The following PPP1R3B variants were observed in gnomAD, a reference collection of about 807,000 sequenced individuals.
PPP1R3B encodes protein phosphatase 1 regulatory subunit 3B.
In PPP1R3B, 8 loss-of-function variants were observed where a neutral mutation model predicts 14.6. The observed-to-expected ratio is 0.55, with a 90% CI of 0.32 to 0.99. The LOEUF (loss-of-function observed/expected upper bound fraction) is 0.99. PPP1R3B is among the 50% of genes least tolerant of loss of function. The pLI is 0.04. For missense variants in PPP1R3B, 452 were observed against 360.1 expected, an observed-to-expected ratio of 1.26 and a Z score of -2.07; for synonymous variants, 169 against 142.0, an observed-to-expected ratio of 1.19 and a Z score of -1.35.
intron 1 of PPP1R3B, among the ~76,000 whole-genome samples, chr8:9,146,576 A>G (rs949581870): frequency 2.0e-5 from 3 of 152,240 alleles, no homozygotes; most frequent in African/African-American, 7.2e-5. Context: ...CCTGGGATGC[A>G]AGAAACCCTT....
chr8:9,142,150 G>A (rs114994328), intron 1 of PPP1R3B: 4,049 of 160,044 alleles, frequency 0.025, 149 homozygotes, highest in South Asian at 0.13. Context: ...AGGCTGGAGC[G>A]CAGTGGCGTG....
rs1801083735 is a variant in PPP1R3B, at chr8:9,141,438, C to T, written c.214G>A (p.Ala72Thr). ...GAGAACACTTTGACCATTGTCAGGG[C>T]CAGCCCCTGGTTGTCTGCGAAGGAC... Reference protein sequence around the residue: ...RVSFADNQGLALTMVKVFSEF... With the variant: ...RVSFADNQGLTLTMVKVFSEF... The change falls in exon 2 of 2, where the codon GCC (alanine) becomes ACC (threonine). Residue 72 changes from alanine to threonine, a missense_variant. Transcript: ENST00000310455. The T allele has an allele frequency of 6.2e-7, 1 of 1,614,154 alleles. No homozygotes were observed. The highest frequency in any genetic ancestry group is 8.5e-7 in the Non-Finnish European group (1 of 1,180,030).
chr8:9,137,514 T>C lies in PPP1R3B; in HGVS notation c.*3280A>G, dbSNP rs530977354. 6.6e-6 allele frequency: 1 copy of C among 152,356 alleles called. No individual in the cohort carries two copies. The highest frequency in any genetic ancestry group is 2.1e-4 in the South Asian group (1 of 4,826). 9.4% of individuals were successfully genotyped at this position (152,356 alleles called of 1,614,324 possible). ...AAGAAACCTGTCACCCTCTGAAGTG[T>C]GTAGGCTTATCTACTGATGATGAGC... On this transcript the variant is annotated 3_prime_UTR_variant, in exon 2 of 2. Transcript: ENST00000310455.
At chr8:9,149,123 G>GCGGAGCTTGCAGTGAGC (rs1253784909) in intron 1 of PPP1R3B, among the ~76,000 whole-genome samples, 1 of 148,632 alleles carries the variant, frequency 6.7e-6, no homozygotes, top group African/African-American at 2.5e-5. Context: ...AACCCGGGAG[G>GCGGAGCTTGCAGTGAGC]CGGAGCTTGC....
rs1800938881 is a variant in PPP1R3B, at chr8:9,137,805, CTGTGCGGCAGGGTGAGCATCCCAGG to C, written c.*2964_*2988del. 6.6e-6 allele frequency: 1 copy of C among 152,154 alleles called. No individual in the cohort carries two copies. Among genetic ancestry groups the C allele is most frequent in the Non-Finnish European group, 1.5e-5 (1 of 68,050 alleles). The allele number at this position is 152,154 out of a possible 1,614,324, so 9.4% of individuals were successfully genotyped here. A position where few individuals can be genotyped will look rare whatever the true frequency, so the allele number is the denominator to read the frequency against. On this transcript the variant is annotated 3_prime_UTR_variant, in exon 2 of 2. Coordinates refer to ENST00000310455, the MANE Select transcript of PPP1R3B (RefSeq NM_024607.4). ...AGCAGGTGAGGACTTGCCTTCTGAA[CTGTGCGGCAGGGTGAGCATCCCAGG>C]TGTGCTGGCTGGGGGCTTGCATCCA...
chr8:9,143,310 C>T (rs368114035), intron 1 of PPP1R3B, among the ~76,000 whole-genome samples: 1 of 152,022 alleles, frequency 6.6e-6, no homozygotes, highest in Non-Finnish European at 1.5e-5. Flanking sequence ...ATATGGCAGG[C>T]ATCAAGCAAG....
In PPP1R3B at chr8:9,138,730, A is replaced by T. The variant is rs1045783669; in HGVS notation, c.*2064T>A. 6.6e-6 allele frequency: 1 copy of T among 152,248 alleles called. No individual in the cohort carries two copies. The highest frequency in any genetic ancestry group is 2.4e-5 in the African/African-American group (1 of 41,472). The allele number at this position is 152,248 out of a possible 1,614,324, so 9.4% of individuals were successfully genotyped here. A position where few individuals can be genotyped will look rare whatever the true frequency, so the allele number is the denominator to read the frequency against. ...GCTTGCCTTAGGAAAACTTCACTTTAGTAAGATAAGGCAAAACAGAAAATA... is the reference window on the plus strand; with the variant it reads ...GCTTGCCTTAGGAAAACTTCACTTTTGTAAGATAAGGCAAAACAGAAAATA... On this transcript the variant is annotated 3_prime_UTR_variant, in exon 2 of 2. Transcript: ENST00000310455.
Position 9,137,041 on chromosome 8 carries a change from G to C in PPP1R3B, c.*3753C>G, listed in dbSNP as rs1473297792. 1.3e-5 allele frequency: 2 copies of C among 152,148 alleles called. No individual in the cohort carries two copies. The highest frequency in any genetic ancestry group is 4.8e-5 in the African/African-American group (2 of 41,432). 9.4% of individuals were successfully genotyped at this position (152,148 alleles called of 1,614,324 possible). A position where few individuals can be genotyped will look rare whatever the true frequency, so the allele number is the denominator to read the frequency against. On this transcript the variant is annotated 3_prime_UTR_variant, in exon 2 of 2. Coordinates refer to ENST00000310455, the MANE Select transcript of PPP1R3B (RefSeq NM_024607.4). ...ACAGTTCCAAATTTACATCTTCTAA[G>C]AATGTATAATTTTGCCACCATTAAA...
rs577643042 is a variant in PPP1R3B at position 9,136,913 on chromosome 8, T to C, written c.*3881A>G. 8 of 152,348 alleles carry C rather than the reference T, an allele frequency of 5.3e-5. No homozygotes were observed. Among genetic ancestry groups the C allele is most frequent in the African/African-American group, 1.4e-4 (6 of 41,578 alleles). The allele number at this position is 152,348 out of a possible 1,614,324, so 9.4% of individuals were successfully genotyped here. On this transcript the variant is annotated 3_prime_UTR_variant, in exon 2 of 2. Coordinates refer to ENST00000310455, the MANE Select transcript of PPP1R3B (RefSeq NM_024607.4). ...TTCCAAAAAAGGAACACTTTTTTGA[T>C]TGATAAGCATATATGGCCCATTTAA...
chr8:9,150,362 C>T (rs912598840), intron 1 of PPP1R3B, among the ~76,000 whole-genome samples: 1 of 152,206 alleles, frequency 6.6e-6, no homozygotes, highest in South Asian at 2.1e-4. Flanking sequence ...ATTACCGGCC[C>T]CCACTCCCTC....
At chr8:9,147,022 G>T (rs1431312495) in intron 1 of PPP1R3B, among the ~76,000 whole-genome samples, 4 of 150,004 alleles carry the variant, frequency 2.7e-5, no homozygotes, top group African/African-American at 9.8e-5. Context: ...TTGCTCTGTT[G>T]CCCAGGCTGG....
chr8:9,146,972 TTTGTC>T (rs1472308213), intron 1 of PPP1R3B, among the ~76,000 whole-genome samples: 4 of 152,128 alleles, frequency 2.6e-5, no homozygotes, highest in African/African-American at 9.7e-5. Flanking sequence ...GTGTTTTTGT[TTTGTC>T]TTATTTTTAA....
At chr8:9,147,173 A>AT (rs1306393667) in intron 1 of PPP1R3B, among the ~76,000 whole-genome samples, 3 of 151,832 alleles carry the variant, frequency 2.0e-5, no homozygotes, top group African/African-American at 4.8e-5. Flanking sequence ...CCCCCAGCTA[A>AT]TTTTTGTATT....
At position 9,140,975 on chromosome 8, in the gene PPP1R3B, C is replaced by T. The variant is rs753646334; in HGVS notation, c.677G>A (p.Arg226Lys). 1 of 1,614,142 alleles carries T rather than the reference C, an allele frequency of 6.2e-7. No homozygotes were observed. The highest frequency in any genetic ancestry group is 2.2e-5 in the East Asian group (1 of 44,884). The stretch of plus-strand genomic sequence containing the variant: ...CCGGATGATCCTATAGTTCTTGCCT[C>T]TGTTGCTGTCCCAGTACGTCTGTCC... ...CNGQTYWDSN[R>K]GKNYRIIRAE... The change falls in exon 2 of 2, where the codon AGA (arginine) becomes AAA (lysine). Residue 226 changes from arginine to lysine, a missense_variant. Physicochemically the swap from Arg to Lys is conservative, Grantham distance 26. Coordinates refer to ENST00000310455, the MANE Select transcript of PPP1R3B (RefSeq NM_024607.4).
chr8:9,149,359 TG>T (rs1173156446), intron 1 of PPP1R3B, among the ~76,000 whole-genome samples: 5 of 123,558 alleles, frequency 4.0e-5, no homozygotes, highest in African/African-American at 1.5e-4. Context: ...AAAAATTAGC[TG>T]GGCGTGGTGG....
At chr8:9,145,447 CTTTAG>C (rs1411740171) in intron 1 of PPP1R3B, 4 of 152,016 alleles carry the variant, frequency 2.6e-5, no homozygotes, top group Non-Finnish European at 4.4e-5. Flanking sequence ...ATTTTCTTTC[CTTTAG>C]TTTACTTTAC....
intron 1 of PPP1R3B, among the ~76,000 whole-genome samples, chr8:9,145,871 G>A (rs1013564517): frequency 7.3e-6 from 1 of 137,466 alleles, no homozygotes; most frequent in South Asian, 2.6e-4. Flanking sequence ...CACTAAAGCT[G>A]AGCACTTTTT....
At chr8:9,147,770 G>C (rs1325670673) in intron 1 of PPP1R3B, among the ~76,000 whole-genome samples, 1 of 134,046 alleles carries the variant, frequency 7.5e-6, no homozygotes, top group Non-Finnish European at 1.6e-5. Context: ...CCAGGCTCTA[G>C]TCAGAGCCAG....
chr8:9,141,114 C>G lies in PPP1R3B; in HGVS notation c.538G>C (p.Val180Leu). The change falls in exon 2 of 2, where the codon GTG (valine) becomes CTG (leucine). Residue 180 changes from valine (V) to leucine (L), a missense_variant. Physicochemically the swap from Val to Leu is conservative, Grantham distance 32. Transcript: ENST00000310455. Reference protein sequence around the residue: ...KSYTDFPCQYVKDTYAGSDRD... With the variant: ...KSYTDFPCQYLKDTYAGSDRD... ...TCTGAACCGGCATAAGTGTCCTTCA[C>G]GTACTGACAAGGAAAGTCTGTGTAG... 4.3e-6 allele frequency: 7 copies of G among 1,614,176 alleles called. No individual in the cohort carries two copies. The highest frequency in any genetic ancestry group is 5.1e-6 in the Non-Finnish European group (6 of 1,180,034).
Sources: allele counts gnomAD v4.1 joint callset (sites outside exome capture counted in the v4.1 genomes callset), GRCh38; gene constraint gnomAD v4.1.1; transcripts MANE v1.5; gene names NCBI Gene and HGNC (gene_info 2026-07-23, HGNC 2026-07-21).